LGMN: variants seen among roughly 807,000 people sequenced by gnomAD.
LGMN encodes the protein asparaginyl endopeptidase.
In LGMN, 36 loss-of-function variants were observed where a neutral mutation model predicts 56.8. That is an observed-to-expected ratio of 0.63 (90% CI 0.49 to 0.84). LGMN has a LOEUF of 0.84. LGMN is among the 40% of genes least tolerant of loss of function. LGMN has a pLI of 0.00. For missense variants in LGMN, 446 were observed against 556.1 expected (o/e 0.80, Z 1.99); for synonymous variants, 199 against 210.1 (o/e 0.95, Z 0.46).
chr14:92,722,506 C>A (rs1890527621), intron 2 of LGMN, among the ~76,000 whole-genome samples: 1 of 152,062 alleles, frequency 6.6e-6, no homozygotes, highest in Non-Finnish European at 1.5e-5. Flanking sequence ...ATCACTTGAA[C>A]CCGGGAGGCA....
intron 1 of LGMN, among the ~76,000 whole-genome samples, chr14:92,736,569 G>A (rs944104781): frequency 6.6e-5 from 10 of 152,190 alleles, no homozygotes; most frequent in African/African-American, 1.9e-4. Context: ...GCACTCCAGC[G>A]TGGGTGACAG....
intron 1 of LGMN, chr14:92,742,912 T>C (rs1274231675): frequency 1.3e-5 from 2 of 151,640 alleles, no homozygotes; most frequent in Non-Finnish European, 2.9e-5. Flanking sequence ...TGCATACCTG[T>C]GGTCCCAGCT....
At chr14:92,720,815 A>G (rs1164487316) in intron 2 of LGMN, among the ~76,000 whole-genome samples, 1 of 152,202 alleles carries the variant, frequency 6.6e-6, no homozygotes, top group African/African-American at 2.4e-5. Context: ...AAGGTTGCCA[A>G]TCAGCTGGTC....
intron 11 of LGMN, among the ~76,000 whole-genome samples, chr14:92,708,506 CCAA>C (rs1224543374): frequency 6.6e-6 from 1 of 152,074 alleles, no homozygotes; most frequent in Non-Finnish European, 1.5e-5. Flanking sequence ...GCGTTTGACA[CCAA>C]CTAAAAATAT....
At chr14:92,706,261 A>G (rs1166992870) in intron 12 of LGMN, 1 of 417,276 alleles carries the variant, frequency 2.4e-6, no homozygotes, top group Non-Finnish European at 4.2e-6. Context: ...GCTGTCATCT[A>G]TGGCTCTGGT....
chr14:92,719,243 CCGCCACCA>C (rs1890274502), intron 2 of LGMN, among the ~76,000 whole-genome samples: 1 of 40,168 alleles, frequency 2.5e-5, no homozygotes. Context: ...ACCGCCACCA[CCGCCACCA>C]CCACCACCGC....
At chr14:92,719,254 A>ACCGCCGCCG (rs1890281222) in intron 2 of LGMN, among the ~76,000 whole-genome samples, 1 of 30,626 alleles carries the variant, frequency 3.3e-5, no homozygotes, top group African/African-American at 8.2e-5. Flanking sequence ...CGCCACCACC[A>ACCGCCGCCG]CCACCGCCAC....
chr14:92,721,382 A>G (rs866521747), intron 2 of LGMN, among the ~76,000 whole-genome samples: 1 of 152,206 alleles, frequency 6.6e-6, no homozygotes, highest in African/African-American at 2.4e-5. Context: ...AGCCTCCACT[A>G]CAGCCACCAA....
intron 2 of LGMN, among the ~76,000 whole-genome samples, chr14:92,730,490 G>A (rs142028800): frequency 2.6e-4 from 39 of 152,214 alleles, no homozygotes; most frequent in African/African-American, 8.7e-4. Flanking sequence ...GCACAGGTGC[G>A]ATAATAGCTC....
At chr14:92,728,248 G>T (rs1005891517) in intron 2 of LGMN, among the ~76,000 whole-genome samples, 3 of 152,180 alleles carry the variant, frequency 2.0e-5, no homozygotes, top group Admixed American at 6.5e-5. Flanking sequence ...AGATCACTAG[G>T]CATTAGTTAG....
Position 92,719,170 on chromosome 14 carries a change from A to ACCG in LGMN, c.139-327_139-326insCGG, listed in dbSNP as rs1433104509. Among the ~76,000 whole-genome samples the ACCG allele has an allele frequency of 1.1e-4, 14 of 126,928 alleles. No individual in the cohort carries two copies. The East Asian group carries it at 3.2e-3, about 29-fold the overall frequency. 83.3% of individuals were successfully genotyped at this position (126,928 alleles called of 152,430 possible). On this transcript the variant is annotated intron_variant, in intron 2 of 13. Coordinates refer to ENST00000334869, the MANE Select transcript of LGMN (RefSeq NM_005606.7). The stretch of plus-strand genomic sequence containing the variant: ...CACCACCGCCACTGCCACCACCACC[A>ACCG]CCACCACCACCATCACCACCACCGC...
At chr14:92,722,666 A>C (rs575268225) in intron 2 of LGMN, among the ~76,000 whole-genome samples, 1 of 152,222 alleles carries the variant, frequency 6.6e-6, no homozygotes, top group Non-Finnish European at 1.5e-5. Flanking sequence ...TTATTAAAAA[A>C]ATGAAAAGAC....
intron 8 of LGMN, among the ~76,000 whole-genome samples, 179 bp from the exon 9 acceptor site, chr14:92,712,134 TA>T (rs1889815084): frequency 6.6e-6 from 1 of 152,202 alleles, no homozygotes; most frequent in African/African-American, 2.4e-5. Context: ...ATAACTCATC[TA>T]AAATTAAATG....
intron 1 of LGMN, among the ~76,000 whole-genome samples, chr14:92,737,847 A>T (rs1178488008): frequency 6.6e-6 from 1 of 152,242 alleles, no homozygotes; most frequent in African/African-American, 2.4e-5. Context: ...TTTGGCCCAT[A>T]GGTCATAGGT....
chr14:92,712,159 A>T (rs2140214686), intron 8 of LGMN, among the ~76,000 whole-genome samples: 1 of 152,318 alleles, frequency 6.6e-6, no homozygotes, highest in Middle Eastern at 3.4e-3. Context: ...AAGAAAGAGG[A>T]GCCAGCTGGT....
chr14:92,745,776 C>T (rs989394138), intron 1 of LGMN, among the ~76,000 whole-genome samples: 5 of 152,128 alleles, frequency 3.3e-5, no homozygotes, highest in African/African-American at 1.2e-4. Context: ...CTGCTAGTGG[C>T]TACACTGCTC....
chr14:92,743,131 G>A (rs577324522), intron 1 of LGMN: 8 of 152,040 alleles, frequency 5.3e-5, no homozygotes, highest in African/African-American at 1.9e-4. Flanking sequence ...GTCCATCTGT[G>A]AAATGAGATG....
chr14:92,703,945 T>G lies in LGMN; in HGVS notation c.*374A>C. On this transcript the variant is annotated 3_prime_UTR_variant, in exon 14 of 14. Coordinates refer to ENST00000334869, the MANE Select transcript of LGMN (RefSeq NM_005606.7). ...TTGCGGCCCTCTTCAATAAAATCAT[T>G]CTGAAGATTTAAAGAGGTTTCAGCT... 1.8e-6 allele frequency: 1 copy of G among 564,386 alleles called. No homozygotes were observed. The highest frequency in any genetic ancestry group is 3.1e-6 in the Non-Finnish European group (1 of 319,640). 35.0% of individuals were successfully genotyped at this position (564,386 alleles called of 1,614,324 possible).
chr14:92,714,562 C>A lies in LGMN; in HGVS notation c.405-111G>T. ...AAGAAGTTTGGGGAGTAGAGTTGCC[C>A]AACCAGGTTTGAAGATGAACACAAG... On this transcript the variant is annotated intron_variant, in intron 5 of 13. Coordinates refer to ENST00000334869, the MANE Select transcript of LGMN (RefSeq NM_005606.7). This position sits in a 1 kb window ranked among gnomAD's most constrained non-coding sequence, Gnocchi z 5.1. 1 of 754,558 alleles carries A rather than the reference C, an allele frequency of 1.3e-6. No homozygotes were observed. The highest frequency in any genetic ancestry group is 2.2e-6 in the Non-Finnish European group (1 of 456,784). 46.7% of individuals were successfully genotyped at this position (754,558 alleles called of 1,614,324 possible). A position where few individuals can be genotyped will look rare whatever the true frequency, so the allele number is the denominator to read the frequency against.
Sources: allele counts gnomAD v4.1 joint callset (sites outside exome capture counted in the v4.1 genomes callset), GRCh38; gene constraint gnomAD v4.1.1; non-coding constraint Gnocchi (gnomAD v3.1); transcripts MANE v1.5; gene names NCBI Gene and HGNC (gene_info 2026-07-23, HGNC 2026-07-21).